Variants in RBFOX1 observed in about 807,000 individuals in gnomAD.
RBFOX1 encodes the protein RNA binding fox-1 homolog 1, also known as RNA binding protein fox-1 homolog 1.
In RBFOX1, 8 loss-of-function variants were observed where a neutral mutation model predicts 57.7. That is an observed-to-expected ratio of 0.14 (90% CI 0.08 to 0.25). The LOEUF (loss-of-function observed/expected upper bound fraction) is 0.25. Ranked by LOEUF, RBFOX1 falls within the 10% of genes least tolerant of loss-of-function variation. The pLI, the probability that RBFOX1 is intolerant of heterozygous loss-of-function variation, is 1.00. For synonymous variants in RBFOX1, 326 were observed against 222.4 expected (o/e 1.47, Z -4.15); for missense variants, 611 against 548.5 (o/e 1.11, Z -1.14).
intron 4 of RBFOX1, among the ~76,000 whole-genome samples, chr16:5,910,267 C>T (rs1243381880): frequency 1.3e-5 from 2 of 152,034 alleles, no homozygotes; most frequent in Non-Finnish European, 1.5e-5. Flanking sequence ...AGGCCAGTCT[C>T]AGGGAGAAGT....
intron 4 of RBFOX1, among the ~76,000 whole-genome samples, chr16:7,293,080 T>C (rs1277139286): frequency 6.6e-6 from 1 of 152,144 alleles, no homozygotes; most frequent in Non-Finnish European, 1.5e-5. Flanking sequence ...CCAAATGTCA[T>C]TTTCAAGGAT....
intron 1 of RBFOX1, among the ~76,000 whole-genome samples, chr16:6,084,663 C>T (rs574641504): frequency 4.9e-4 from 75 of 152,270 alleles, no homozygotes; most frequent in African/African-American, 1.8e-3. Context: ...CCTGCTCTCT[C>T]TCTCGTTTTC....
chr16:6,012,267 T>C (rs1490493868), intron 4 of RBFOX1, among the ~76,000 whole-genome samples: 2 of 152,232 alleles, frequency 1.3e-5, no homozygotes, highest in Non-Finnish European at 1.5e-5. Context: ...AATGAGAATC[T>C]GAATGGAGGT....
intron 2 of RBFOX1, among the ~76,000 whole-genome samples, chr16:6,430,967 G>GAAA (rs59044318): frequency 0.01 from 930 of 90,444 alleles, 16 homozygotes; most frequent in African/African-American, 0.036. Flanking sequence ...CTCATCTCCA[G>GAAA]AAAAAAAAAA....
At chr16:7,602,672 C>A (rs2095096006) in intron 9 of RBFOX1, among the ~76,000 whole-genome samples, 1 of 152,060 alleles carries the variant, frequency 6.6e-6, no homozygotes, top group African/African-American at 2.4e-5. Context: ...TTACATAAGC[C>A]CGCATGAGCT....
intron 4 of RBFOX1, among the ~76,000 whole-genome samples, chr16:7,130,253 T>C (rs1400822984): frequency 6.6e-6 from 1 of 152,054 alleles, no homozygotes; most frequent in Non-Finnish European, 1.5e-5. Flanking sequence ...CAGGCTGGTC[T>C]TGAACTCCTG....
At chr16:7,349,730 G>T (rs747269280) in intron 4 of RBFOX1, among the ~76,000 whole-genome samples, 4 of 152,144 alleles carry the variant, frequency 2.6e-5, no homozygotes, top group African/African-American at 9.7e-5. Context: ...TCAACATTCA[G>T]TGTGTGCTAG....
At chr16:6,109,504 T>A (rs1432071628) in intron 1 of RBFOX1, among the ~76,000 whole-genome samples, 1 of 152,208 alleles carries the variant, frequency 6.6e-6, no homozygotes, top group Non-Finnish European at 1.5e-5. Flanking sequence ...GTCGATGATA[T>A]ATTTGTTGTA....
At chr16:6,533,926 G>C (rs1293365896) in intron 2 of RBFOX1, among the ~76,000 whole-genome samples, 1 of 151,950 alleles carries the variant, frequency 6.6e-6, no homozygotes, top group Non-Finnish European at 1.5e-5. Context: ...TTAAGAGAAT[G>C]AAAAGTCAAG....
chr16:6,914,884 T>C (rs1013926600), intron 3 of RBFOX1, among the ~76,000 whole-genome samples: 1 of 152,132 alleles, frequency 6.6e-6, no homozygotes, highest in Non-Finnish European at 1.5e-5. Context: ...CAAGACCCTC[T>C]CAAAAACAAA....
intron 2 of RBFOX1, among the ~76,000 whole-genome samples, chr16:6,362,712 A>G (rs1260789608): frequency 6.6e-6 from 1 of 152,198 alleles, no homozygotes; most frequent in Admixed American, 6.5e-5. Context: ...GGTAATCACA[A>G]GTTCCTGTTA....
intron 1 of RBFOX1, among the ~76,000 whole-genome samples, chr16:6,021,717 C>T (rs983943315): frequency 3.9e-5 from 6 of 152,292 alleles, no homozygotes; most frequent in African/African-American, 1.4e-4. Context: ...CTCAGAAGAG[C>T]ACAGGGCTTC....
intron 2 of RBFOX1, among the ~76,000 whole-genome samples, chr16:6,514,176 T>G (rs149945536): frequency 2.8e-4 from 43 of 152,292 alleles, no homozygotes; most frequent in African/African-American, 1.0e-3. Flanking sequence ...TTGAGCCACT[T>G]ACTGAAAGGC....
At chr16:6,820,196 G>C (rs1454239989) in intron 3 of RBFOX1, among the ~76,000 whole-genome samples, 1 of 152,148 alleles carries the variant, frequency 6.6e-6, no homozygotes, top group Non-Finnish European at 1.5e-5. Flanking sequence ...CTTCCATCGT[G>C]ATTGTGAGGC....
chr16:5,474,389 C>G (rs1031967895), intron 2 of RBFOX1, among the ~76,000 whole-genome samples: 3 of 152,214 alleles, frequency 2.0e-5, no homozygotes, highest in Admixed American at 2.0e-4. Flanking sequence ...CGCGATGGCT[C>G]ACTCCTGTGA....
At chr16:5,848,358 GGTCTCTTGAAC>G (rs1459905100) in intron 3 of RBFOX1, among the ~76,000 whole-genome samples, 1 of 152,040 alleles carries the variant, frequency 6.6e-6, no homozygotes, top group Non-Finnish European at 1.5e-5. Context: ...CTGGATCTCT[GGTCTCTTGAAC>G]CGGGTGCCTT....
At chr16:6,164,507 C>A (rs1292738978) in intron 1 of RBFOX1, among the ~76,000 whole-genome samples, 1 of 139,908 alleles carries the variant, frequency 7.1e-6, no homozygotes. Context: ...TGTTTCATTG[C>A]CCAGGATGGA....
intron 2 of RBFOX1, among the ~76,000 whole-genome samples, chr16:6,518,908 A>G (rs1250268836): frequency 6.6e-6 from 1 of 151,986 alleles, no homozygotes; most frequent in Admixed American, 6.6e-5. Context: ...AAAAGCAGGG[A>G]TAGCATTTGG....
intron 3 of RBFOX1, among the ~76,000 whole-genome samples, chr16:6,744,111 A>G (rs1324874796): frequency 6.6e-6 from 1 of 152,162 alleles, no homozygotes; most frequent in Non-Finnish European, 1.5e-5. Context: ...ACACAAATAG[A>G]TTCTAGAGAA....
Sources: gnomAD v4.1 joint callset for allele counts (sites outside exome capture counted in the v4.1 genomes callset) on GRCh38, gnomAD v4.1.1 for gene constraint, MANE v1.5 for transcripts, NCBI Gene and HGNC (gene_info 2026-07-23, HGNC 2026-07-21) for gene names.